Variants in SANBR observed in about 807,000 individuals in gnomAD.
SANBR encodes SANT and BTB domain regulator of class switch recombination.
A neutral mutation model predicts 101.8 loss-of-function variants in SANBR; 77 were observed. The observed-to-expected ratio is 0.76, with a 90% CI of 0.63 to 0.91. The LOEUF is 0.91. Ranked by LOEUF, SANBR falls within the 40% of genes least tolerant of loss-of-function variation. The pLI is 0.00. For missense variants in SANBR, 875 were observed against 853.0 expected, an observed-to-expected ratio of 1.03 and a Z score of -0.32; for synonymous variants, 279 against 274.7, an observed-to-expected ratio of 1.02 and a Z score of -0.15.
intron 10 of SANBR, among the ~76,000 whole-genome samples, chr2:61,090,140 AC>A (rs1441187951): frequency 6.6e-6 from 1 of 152,208 alleles, no homozygotes; most frequent in Non-Finnish European, 1.5e-5. Flanking sequence ...ACAGAGCAAA[AC>A]AAAGTTATGA....
Position 61,083,504 on chromosome 2 carries a change from C to T in SANBR, c.890+190C>T, listed in dbSNP as rs186233305. ...CTCAACCTCCTGAGCTCTGGTGATC[C>T]TCCCACCTCAGCCTCCCAAGTAGCT... On this transcript the variant is annotated intron_variant, in intron 8 of 21. Transcript: ENST00000402291. Among the ~76,000 whole-genome samples the T allele has an allele frequency of 2.8e-3, 426 of 151,424 alleles. 1 individual carries two copies. The highest frequency in any genetic ancestry group is 1.0e-2 in the African/African-American group (412 of 41,256).
At chr2:61,118,184 G>T in intron 20 of SANBR, 68 bp downstream of exon 20, 2 of 1,026,818 alleles carry the variant, frequency 1.9e-6, no homozygotes, top group South Asian at 1.5e-5. Context: ...TTTCAGCTTA[G>T]GATTATAAAG....
chr2:61,117,649 T>A, intron 19 of SANBR, 109 bp downstream of exon 19: 1 of 975,684 alleles, frequency 1.0e-6, no homozygotes, highest in Non-Finnish European at 1.6e-6. Context: ...CTAGCTAAAG[T>A]AAGGCCCCAA....
intron 12 of SANBR, 138 bp from the exon 13 acceptor site, chr2:61,103,715 T>C (rs1293065408): frequency 4.2e-6 from 3 of 714,450 alleles, no homozygotes; most frequent in Non-Finnish European, 7.0e-6. Flanking sequence ...CTTTTCTGTA[T>C]GAGGAATGTT....
chr2:61,089,056 A>G (rs1436163993), intron 10 of SANBR: 1 of 974,204 alleles, frequency 1.0e-6, no homozygotes, highest in Non-Finnish European at 1.2e-6. Flanking sequence ...GTGCCTTTAA[A>G]ATGCTCTCTT....
chr2:61,087,914 T>C (rs1194758089), intron 8 of SANBR, among the ~76,000 whole-genome samples: 1 of 151,904 alleles, frequency 6.6e-6, no homozygotes, highest in African/African-American at 2.4e-5. Context: ...TATTTATCAA[T>C]CTTATTTTTT....
In SANBR at chr2:61,071,651, G is replaced by A. The variant is rs555238267; in HGVS notation, c.196G>A (p.Val66Ile). The A allele has an allele frequency of 1.4e-5, 22 of 1,587,330 alleles. No homozygotes were observed. In the East Asian group the frequency reaches 3.9e-4, roughly 28 times the overall value. The part of the protein sequence containing the change: ...DELKSSGSSP[V>I]DNQYNSLMAA... ...ATTAAAGAGCAGTGGAAGCTCGCCT[G>A]TTGACAACCAGTATAATTCCCTAAT... The change falls in exon 4 of 22, where the codon GTT becomes ATT. Residue 66 changes from valine (V) to isoleucine (I), a missense_variant. Val to Ile is a conservative substitution (Grantham distance 29). Coordinates refer to ENST00000402291, the MANE Select transcript of SANBR (RefSeq NM_001129993.3).
intron 7 of SANBR, 54 bp from the exon 8 acceptor site, chr2:61,083,100 T>C: frequency 7.6e-7 from 1 of 1,312,640 alleles, no homozygotes. Context: ...GGTATTGCTA[T>C]GACATTGTCC....
At chr2:61,094,003 AT>A in intron 11 of SANBR, 7 of 725,466 alleles carry the variant, frequency 9.6e-6, no homozygotes, top group Non-Finnish European at 1.2e-5. Context: ...CTCCCCAGTA[AT>A]TTTCCTCTGT....
intron 3 of SANBR, among the ~76,000 whole-genome samples, chr2:61,070,902 G>C (rs1437419411): frequency 1.3e-5 from 2 of 151,480 alleles, no homozygotes; most frequent in Non-Finnish European, 2.9e-5. Flanking sequence ...GCATCTCACA[G>C]TCTCTCTCAG....
At chr2:61,091,624 A>G (rs575283379) in intron 10 of SANBR, among the ~76,000 whole-genome samples, 141 of 1,128 alleles carry the variant, frequency 0.12, 1 homozygote, top group African/African-American at 0.31. Context: ...GCCAGGTGTG[A>G]TGACACATAA....
chr2:61,108,362 T>C lies in SANBR; in HGVS notation c.1644+13T>C. On this transcript the variant is annotated intron_variant, in intron 15 of 21. Coordinates refer to ENST00000402291, the MANE Select transcript of SANBR (RefSeq NM_001129993.3). ...GACTCTACAACTGGTAAGTGAGCAA[T>C]TACAGTTAGCATTCATGGATCTCTT... The C allele has an allele frequency of 1.3e-6, 2 of 1,532,752 alleles. No homozygotes were observed. Among genetic ancestry groups the C allele is most frequent in the Non-Finnish European group, 1.8e-6 (2 of 1,121,462 alleles). The allele number at this position is 1,532,752 out of a possible 1,614,324, so 94.9% of individuals were successfully genotyped here.
intron 5 of SANBR, chr2:61,074,888 G>A (rs1389729698): frequency 1.3e-5 from 2 of 151,898 alleles, no homozygotes; most frequent in Non-Finnish European, 2.9e-5. Context: ...GCAATTTTGT[G>A]AAAATTTGTT....
At position 61,085,785 on chromosome 2, in the gene SANBR, A is replaced by G. The variant is rs558747684; in HGVS notation, c.891-2374A>G. Among the ~76,000 whole-genome samples, 19 of 152,268 alleles carry G rather than the reference A, an allele frequency of 1.2e-4. No individual in the cohort carries two copies. The South Asian group carries it at 3.9e-3, about 32-fold the overall frequency. ...CTCGGCCTCCCAACGTGCTGAGATT[A>G]CAGACGTGAGCCACCACACCCAGCC... On this transcript the variant is annotated intron_variant, in intron 8 of 21. Transcript: ENST00000402291.
At chr2:61,107,288 C>CT (rs1280983388) in intron 14 of SANBR, among the ~76,000 whole-genome samples, 1 of 151,982 alleles carries the variant, frequency 6.6e-6, no homozygotes, top group East Asian at 1.9e-4. Flanking sequence ...CTTCTGTAAA[C>CT]TTTTTTTGGC....
At chr2:61,098,341 C>T (rs946767499) in intron 12 of SANBR, among the ~76,000 whole-genome samples, 2 of 152,026 alleles carry the variant, frequency 1.3e-5, no homozygotes, top group African/African-American at 4.8e-5. Flanking sequence ...TGAGCTGAAG[C>T]GATCTGCCTG....
intron 13 of SANBR, among the ~76,000 whole-genome samples, chr2:61,105,949 C>T (rs1050444168): frequency 1.3e-5 from 2 of 152,082 alleles, no homozygotes; most frequent in Non-Finnish European, 2.9e-5. Flanking sequence ...GGATTAGAGG[C>T]GTGACCCACT....
rs1459962708 is a variant in SANBR, at chr2:61,103,716, G to A, written c.1366-137G>A. 8 of 720,906 alleles carry A rather than the reference G, an allele frequency of 1.1e-5. No homozygotes were observed. The South Asian group carries it at 1.5e-4, about 14-fold the overall frequency. 44.7% of individuals were successfully genotyped at this position (720,906 alleles called of 1,614,324 possible). On this transcript the variant is annotated intron_variant, in intron 12 of 21. Transcript: ENST00000402291. ...TTATGATTGAATCTCTTTTCTGTAT[G>A]AGGAATGTTTTTCTTGAGAAAAAGT... is the stretch of plus-strand genomic sequence containing the variant.
intron 11 of SANBR, among the ~76,000 whole-genome samples, chr2:61,096,651 C>T (rs1683046202): frequency 6.6e-6 from 1 of 152,092 alleles, no homozygotes; most frequent in African/African-American, 2.4e-5. Flanking sequence ...TAGGTTTAAG[C>T]AGTCCTTCTG....
Sources: allele counts gnomAD v4.1 joint callset (sites outside exome capture counted in the v4.1 genomes callset), GRCh38; gene constraint gnomAD v4.1.1; transcripts MANE v1.5; gene names NCBI Gene and HGNC (gene_info 2026-07-23, HGNC 2026-07-21).